Variants in PCCA observed in about 807,000 individuals in gnomAD.
The protein encoded by PCCA is propionyl-CoA carboxylase subunit alpha.
In PCCA, 74 loss-of-function variants were observed where a neutral mutation model predicts 101.3. That is an observed-to-expected ratio of 0.73 (90% CI 0.61 to 0.89). PCCA has a LOEUF of 0.89. Ranked by LOEUF, PCCA falls within the 40% of genes least tolerant of loss-of-function variation. PCCA has a pLI of 0.00. For synonymous variants in PCCA, 294 were observed against 313.6 expected (o/e 0.94, Z 0.66); for missense variants, 891 against 907.0 (o/e 0.98, Z 0.23).
intron 8 of PCCA, among the ~76,000 whole-genome samples, chr13:100,242,318 A>G (rs1285466243): frequency 6.6e-6 from 1 of 152,212 alleles, no homozygotes; most frequent in East Asian, 1.9e-4. Flanking sequence ...CTAAGAGACA[A>G]AGAAGGGCAT....
At position 100,487,037 on chromosome 13, in the gene PCCA, G is replaced by A. The variant is rs139275172; in HGVS notation, c.1900-28390G>A. Among the ~76,000 whole-genome samples, 94 of 152,286 alleles carry A rather than the reference G, an allele frequency of 6.2e-4. No homozygotes were observed. In the Middle Eastern group the frequency reaches 0.017, roughly 28 times the overall value. ...GTTAGCATCTGATATTTTATAATGA[G>A]CATATCCCTTATAGATTCAGCAATA... On this transcript the variant is annotated intron_variant, in intron 21 of 23. Transcript: ENST00000376285.
intron 9 of PCCA, 142 bp from the exon 10 acceptor site, chr13:100,262,587 C>A: frequency 1.6e-6 from 1 of 634,136 alleles, no homozygotes; most frequent in Non-Finnish European, 2.8e-6. Flanking sequence ...CAGAATAAGC[C>A]AAAATAAATA....
chr13:100,227,577 G>A (rs540030875), intron 7 of PCCA, among the ~76,000 whole-genome samples: 5 of 152,148 alleles, frequency 3.3e-5, no homozygotes, highest in Non-Finnish European at 7.4e-5. Flanking sequence ...GTACTGGTTT[G>A]CTTGGTTTCT....
chr13:100,138,792 A>G (rs1300495421), intron 4 of PCCA, among the ~76,000 whole-genome samples: 2 of 151,990 alleles, frequency 1.3e-5, no homozygotes, highest in Admixed American at 1.3e-4. Flanking sequence ...AAAATTAGCC[A>G]GGCGCAGTGG....
At chr13:100,297,989 T>A (rs1190534613) in intron 12 of PCCA, among the ~76,000 whole-genome samples, 1 of 151,970 alleles carries the variant, frequency 6.6e-6, no homozygotes, top group Non-Finnish European at 1.5e-5. Context: ...TTTTTTTTTT[T>A]TGGGTTCGGG....
intron 5 of PCCA, among the ~76,000 whole-genome samples, 160 bp from the exon 6 acceptor site, chr13:100,157,127 C>A (rs971105183): frequency 5.3e-5 from 8 of 152,122 alleles, no homozygotes; most frequent in Admixed American, 2.6e-4. Flanking sequence ...TGATTCTGAT[C>A]CTAGAAATGT....
intron 21 of PCCA, chr13:100,490,866 C>G (rs2152980392): frequency 6.6e-6 from 1 of 152,468 alleles, no homozygotes; most frequent in Non-Finnish European, 1.5e-5. Flanking sequence ...TGAGGGCACT[C>G]AGGGTGGTTT....
intron 19 of PCCA, among the ~76,000 whole-genome samples, chr13:100,397,534 T>C (rs1353516125): frequency 6.6e-6 from 1 of 152,234 alleles, no homozygotes; most frequent in Non-Finnish European, 1.5e-5. Flanking sequence ...ATTACCACTA[T>C]TGAAATTTCT....
chr13:100,150,557 AACTT>A, intron 4 of PCCA: 1 of 1,266,486 alleles, frequency 7.9e-7, no homozygotes, highest in Non-Finnish European at 1.1e-6. Context: ...AGTGTGGTGG[AACTT>A]ACGGCCGTTT....
chr13:100,131,971 A>G (rs2050562147), intron 4 of PCCA, among the ~76,000 whole-genome samples: 1 of 152,140 alleles, frequency 6.6e-6, no homozygotes, highest in African/African-American at 2.4e-5. Flanking sequence ...TTTTTGAGGA[A>G]TTCACATTTT....
At chr13:100,257,446 C>G (rs1249502199) in intron 8 of PCCA, 149 bp from the exon 9 acceptor site, 10 of 692,520 alleles carry the variant, frequency 1.4e-5, no homozygotes. Context: ...GTGTTACTTT[C>G]CTGGTGTTAT....
intron 19 of PCCA, among the ~76,000 whole-genome samples, chr13:100,393,845 C>T (rs931084280): frequency 2.0e-5 from 3 of 152,182 alleles, no homozygotes; most frequent in African/African-American, 7.2e-5. Context: ...ATATGAAACA[C>T]ATTAAAGACT....
intron 20 of PCCA, among the ~76,000 whole-genome samples, chr13:100,426,746 A>AT (rs2079170675): frequency 2.6e-5 from 4 of 151,994 alleles, no homozygotes; most frequent in Admixed American, 2.6e-4. Flanking sequence ...ATTTTTTCTC[A>AT]TTTTTTTAAT....
chr13:100,348,934 C>CTTTTCTTTTCTTTTCTTTTCT (rs112432655), intron 18 of PCCA, among the ~76,000 whole-genome samples: 8 of 56,638 alleles, frequency 1.4e-4, no homozygotes, highest in South Asian at 1.5e-3. Context: ...CTTTTCTTTT[C>CTTTTCTTTTCTTTTCTTTTCT]TTTCTTTTCT....
At chr13:100,146,782 C>T (rs2052624525) in intron 4 of PCCA, among the ~76,000 whole-genome samples, 1 of 151,316 alleles carries the variant, frequency 6.6e-6, no homozygotes, top group Non-Finnish European at 1.5e-5. Flanking sequence ...TGTAAGTTGA[C>T]CTAAGATTTT....
intron 19 of PCCA, among the ~76,000 whole-genome samples, chr13:100,389,981 T>C (rs2076722423): frequency 6.6e-6 from 1 of 152,146 alleles, no homozygotes. Flanking sequence ...GAGGCAAGAC[T>C]GGAGGAAGAG....
chr13:100,412,033 TAGAC>T (rs1481632795), intron 19 of PCCA, among the ~76,000 whole-genome samples: 1 of 152,214 alleles, frequency 6.6e-6, no homozygotes, highest in Non-Finnish European at 1.5e-5. Context: ...AATTAGATCT[TAGAC>T]ATACCATAAA....
chr13:100,488,069 A>G (rs2084537723), intron 21 of PCCA, among the ~76,000 whole-genome samples: 1 of 151,956 alleles, frequency 6.6e-6, no homozygotes, highest in African/African-American at 2.4e-5. Context: ...AGCCACAAGC[A>G]TTCTGCCTCT....
chr13:100,261,610 C>T (rs2062524516), intron 9 of PCCA, among the ~76,000 whole-genome samples: 1 of 152,082 alleles, frequency 6.6e-6, no homozygotes, highest in Non-Finnish European at 1.5e-5. Flanking sequence ...AGGGAAGCCA[C>T]TGTGCCCACC....
Sources: gnomAD v4.1 joint callset for allele counts (sites outside exome capture counted in the v4.1 genomes callset) on GRCh38, gnomAD v4.1.1 for gene constraint, MANE v1.5 for transcripts, NCBI Gene and HGNC (gene_info 2026-07-23, HGNC 2026-07-21) for gene names.